The following SORBS2 variants were observed in gnomAD, a reference collection of about 807,000 sequenced individuals.
SORBS2 encodes the protein sorbin and SH3 domain-containing protein 2.
SORBS2 carries 46 observed loss-of-function variants against 97.7 expected under a neutral mutation model. The ratio of observed to expected loss-of-function variants is 0.47; its 90% CI spans 0.37 to 0.60. The LOEUF is 0.60. SORBS2 is among the 20% of genes least tolerant of loss of function. SORBS2 has a pLI of 0.00. For synonymous variants in SORBS2, 476 were observed against 473.4 expected (o/e 1.01, Z -0.07); for missense variants, 1,316 against 1,282.3 (o/e 1.03, Z -0.40).
chr4:185,642,024 T>C (rs2097135148), intron 4 of SORBS2, among the ~76,000 whole-genome samples: 1 of 152,202 alleles, frequency 6.6e-6, no homozygotes, highest in Non-Finnish European at 1.5e-5. Flanking sequence ...CAAAAAGAAG[T>C]GCCAGGGCTA....
At chr4:185,613,564 C>G (rs1291762440) in intron 11 of SORBS2, among the ~76,000 whole-genome samples, 3 of 142,732 alleles carry the variant, frequency 2.1e-5, no homozygotes, top group African/African-American at 7.8e-5. Flanking sequence ...GGGAGAATCG[C>G]TTGAACCTGG....
chr4:185,872,515 C>A (rs147806295), intron 1 of SORBS2, among the ~76,000 whole-genome samples: 1 of 152,012 alleles, frequency 6.6e-6, no homozygotes, highest in Non-Finnish European at 1.5e-5. Flanking sequence ...ATGATGACAA[C>A]GAAGAATGAT....
rs201623277 is a variant in SORBS2, at chr4:185,589,641, A to G, written c.2953+38T>C. On this transcript the variant is annotated intron_variant, in intron 14 of 14. Coordinates refer to ENST00000418609, the Ensembl canonical transcript of SORBS2. The stretch of plus-strand genomic sequence containing the variant: ...GAGTGAGCAAACTCAAGCAAATTAC[A>G]AAATAGCCGAAGGTGCCTGAGGAAG... 63 of 1,283,164 alleles carry G rather than the reference A, an allele frequency of 4.9e-5. No homozygotes were observed. The East Asian group carries it at 1.4e-3, about 28-fold the overall frequency. The allele number at this position is 1,283,164 out of a possible 1,614,324, so 79.5% of individuals were successfully genotyped here. A position where few individuals can be genotyped will look rare whatever the true frequency, so the allele number is the denominator to read the frequency against.
intron 2 of SORBS2, among the ~76,000 whole-genome samples, chr4:185,687,118 C>T (rs2097980130): frequency 6.6e-6 from 1 of 152,168 alleles, no homozygotes; most frequent in Non-Finnish European, 1.5e-5. Context: ...TTGGACCTTA[C>T]TGGGCTCAAA....
intron 1 of SORBS2, among the ~76,000 whole-genome samples, chr4:185,946,275 A>G (rs1358757161): frequency 1.3e-5 from 2 of 152,210 alleles, no homozygotes; most frequent in Non-Finnish European, 2.9e-5. Flanking sequence ...AACTCTGGCA[A>G]GTATGTAGAA....
rs201590422 is a variant in SORBS2 at position 185,629,560 on chromosome 4, A to ATTTTTTTTTTTTTTTTTTTTTT, written c.446+988_446+989insAAAAAAAAAAAAAAAAAAAAAA. Among the ~76,000 whole-genome samples the ATTTTTTTTTTTTTTTTTTTTTT allele has an allele frequency of 4.5e-5, 6 of 134,084 alleles. 1 individual carries two copies. Among genetic ancestry groups the ATTTTTTTTTTTTTTTTTTTTTT allele is most frequent in the African/African-American group, 3.1e-5 (1 of 32,176 alleles). The allele number at this position is 134,084 out of a possible 152,430, so 88.0% of individuals were successfully genotyped here. The stretch of plus-strand genomic sequence containing the variant: ...TGTCTGAATATGTCTGAATTTTGTG[A>ATTTTTTTTTTTTTTTTTTTTTT]TTTGTTTTTTTTTTTTTTTTTAGAC... On this transcript the variant is annotated intron_variant, in intron 5 of 14. Transcript: ENST00000418609.
At chr4:185,744,551 A>T (rs1017851367) in intron 2 of SORBS2, among the ~76,000 whole-genome samples, 7 of 152,354 alleles carry the variant, frequency 4.6e-5, no homozygotes, top group Non-Finnish European at 8.8e-5. Flanking sequence ...CTTTAGCTCA[A>T]ATCAAACAAT....
At chr4:185,922,806 C>T (rs1235936656) in intron 1 of SORBS2, among the ~76,000 whole-genome samples, 2 of 152,154 alleles carry the variant, frequency 1.3e-5, no homozygotes, top group East Asian at 3.9e-4. Flanking sequence ...TTGACATGCT[C>T]ATATGGCAGA....
At chr4:185,657,741 A>G, upstream of SORBS2, 1 of 749,792 alleles carries the variant, frequency 1.3e-6, no homozygotes. Context: ...TTTCCATCTG[A>G]GCTGGTGGAA....
exon 7 of SORBS2, chr4:185,624,396 G>C: frequency 6.2e-7 from 1 of 1,614,174 alleles, no homozygotes; most frequent in Non-Finnish European, 8.5e-7. Context: ...ACATCCAAGT[G>C]CTGTCTGTAA....
intron 1 of SORBS2, among the ~76,000 whole-genome samples, chr4:185,888,783 C>G (rs2099240975): frequency 6.6e-6 from 1 of 152,010 alleles, no homozygotes; most frequent in South Asian, 2.1e-4. Flanking sequence ...GGGAGTCACT[C>G]AACTCCTCCT....
chr4:185,742,729 GA>G (rs1239766898), intron 2 of SORBS2, among the ~76,000 whole-genome samples: 1 of 152,212 alleles, frequency 6.6e-6, no homozygotes, highest in East Asian at 1.9e-4. Flanking sequence ...TTGCTATAGT[GA>G]AAAGGAGAGA....
At chr4:185,894,318 G>A (rs1363593595) in intron 1 of SORBS2, 1 of 152,008 alleles carries the variant, frequency 6.6e-6, no homozygotes, top group African/African-American at 2.4e-5. Context: ...TGGCCCCCAG[G>A]GAACTTGCAG....
intron 1 of SORBS2, chr4:185,656,503 G>T: frequency 3.5e-6 from 2 of 565,606 alleles, no homozygotes; most frequent in Non-Finnish European, 6.0e-6. Flanking sequence ...TGTCTTGGCT[G>T]CCCAGGTCTG....
At chr4:185,590,199 A>G (rs2095890817) in intron 13 of SORBS2, among the ~76,000 whole-genome samples, 1 of 152,260 alleles carries the variant, frequency 6.6e-6, no homozygotes, top group South Asian at 2.1e-4. Context: ...CTGTTTAAAA[A>G]CAAGAAGGAA....
intron 1 of SORBS2, among the ~76,000 whole-genome samples, chr4:185,880,648 T>C (rs909685841): frequency 2.6e-5 from 4 of 152,254 alleles, no homozygotes; most frequent in Admixed American, 1.3e-4. Context: ...AGGATACTTT[T>C]AAGTTTCTCC....
At chr4:185,654,564 G>T (rs1279916630) in intron 1 of SORBS2, among the ~76,000 whole-genome samples, 1 of 152,138 alleles carries the variant, frequency 6.6e-6, no homozygotes, top group South Asian at 2.1e-4. Flanking sequence ...TGAGCACAAA[G>T]ATGCCAGAAA....
chr4:185,900,453 C>T (rs1206139906), intron 1 of SORBS2, among the ~76,000 whole-genome samples: 1 of 152,114 alleles, frequency 6.6e-6, no homozygotes, highest in East Asian at 1.9e-4. Flanking sequence ...GTAAGTCATA[C>T]CTAAAAACAT....
At chr4:185,631,227 A>C (rs181928107) in intron 4 of SORBS2, among the ~76,000 whole-genome samples, 5 of 152,348 alleles carry the variant, frequency 3.3e-5, no homozygotes, top group Admixed American at 3.3e-4. Context: ...CAATTAGGTG[A>C]GTTCAGGGCT....
Sources: gnomAD v4.1 joint callset for allele counts (sites outside exome capture counted in the v4.1 genomes callset) on GRCh38, gnomAD v4.1.1 for gene constraint, MANE v1.5 for transcripts, NCBI Gene and HGNC (gene_info 2026-07-23, HGNC 2026-07-21) for gene names.